ARHGAP6: variants seen among roughly 807,000 people sequenced by gnomAD.
ARHGAP6 encodes Rho GTPase activating protein 6.
ARHGAP6 carries 16 observed loss-of-function variants against 55.7 expected under a neutral mutation model. The ratio of observed to expected loss-of-function variants is 0.29; its 90% CI spans 0.19 to 0.44. The LOEUF (loss-of-function observed/expected upper bound fraction) is 0.44. Ranked by LOEUF, ARHGAP6 falls within the 20% of genes least tolerant of loss-of-function variation. The pLI is 1.00. For missense variants in ARHGAP6, 698 were observed against 808.9 expected (o/e 0.86, Z 1.66); for synonymous variants, 382 against 360.9 (o/e 1.06, Z -0.66).
chrX:11,494,383 G>A (rs1453391745), intron 1 of ARHGAP6, among the ~76,000 whole-genome samples: 1 of 112,516 alleles, frequency 8.9e-6, no homozygotes, highest in Non-Finnish European at 1.9e-5. Context: ...AAAACTTGTG[G>A]TCAACACAAC....
chrX:11,459,244 T>C (rs1362096443), intron 1 of ARHGAP6, among the ~76,000 whole-genome samples: 2 of 111,945 alleles, frequency 1.8e-5, no homozygotes, highest in African/African-American at 6.5e-5. Flanking sequence ...ATCAACTACA[T>C]CGATTCTCAT....
chrX:11,338,158 C>T (rs867988348), intron 1 of ARHGAP6, among the ~76,000 whole-genome samples: 2 of 111,202 alleles, frequency 1.8e-5, no homozygotes, highest in South Asian at 7.8e-4. Flanking sequence ...CCATGCTGAC[C>T]GTCAAATGTC....
chrX:11,455,874 G>C lies in ARHGAP6; in HGVS notation c.589-201167C>G, dbSNP rs2050189854. On this transcript the variant is annotated intron_variant, in intron 1 of 12. Coordinates refer to ENST00000337414, the MANE Select transcript of ARHGAP6 (RefSeq NM_013427.3). Reference sequence around the variant, plus strand: ...TAATGGAGATGATAATACTTGCTCTGGGAAAATCAGATGGCATAATGTATG... The same window carrying C: ...TAATGGAGATGATAATACTTGCTCTCGGAAAATCAGATGGCATAATGTATG... 2.7e-5 allele frequency among the ~76,000 whole-genome samples: 3 copies of C among 111,909 alleles called. No individual in the cohort carries two copies. In the Admixed American group the frequency reaches 2.9e-4, roughly 11 times the overall value.
chrX:11,401,564 G>A (rs1038682150), intron 1 of ARHGAP6, among the ~76,000 whole-genome samples: 2 of 109,828 alleles, frequency 1.8e-5, no homozygotes, highest in African/African-American at 6.6e-5. Context: ...ACACAAAAAT[G>A]TCTCCAGACA....
intron 1 of ARHGAP6, among the ~76,000 whole-genome samples, chrX:11,325,333 A>G (rs954261854): frequency 8.9e-6 from 1 of 112,515 alleles, no homozygotes; most frequent in South Asian, 3.7e-4. Context: ...AAATTTACCA[A>G]GAAATGTGGG....
chrX:11,366,171 G>A (rs780179882), intron 1 of ARHGAP6, among the ~76,000 whole-genome samples: 9 of 112,038 alleles, frequency 8.0e-5, no homozygotes, highest in African/African-American at 2.9e-4. Flanking sequence ...TTGGTGGGAC[G>A]CAAACATTCA....
At position 11,387,884 on chromosome X, in the gene ARHGAP6, C is replaced by A. The variant is rs748078306; in HGVS notation, c.589-133177G>T. 3.6e-5 allele frequency among the ~76,000 whole-genome samples: 4 copies of A among 111,864 alleles called. No homozygotes were observed. In the East Asian group the frequency reaches 1.1e-3, roughly 31 times the overall value. ...CATGTCCCTACAAAGGACATGAACT[C>A]ATTGTTTTTTATGGCTGCATAGTAT... On this transcript the variant is annotated intron_variant, in intron 1 of 12. Transcript: ENST00000337414.
At chrX:11,233,306 T>C (rs2047158342) in intron 2 of ARHGAP6, among the ~76,000 whole-genome samples, 1 of 112,279 alleles carries the variant, frequency 8.9e-6, no homozygotes, top group South Asian at 3.7e-4. Context: ...GCCATTTGCC[T>C]ACTTGCCTCA....
chrX:11,299,548 A>C (rs1407893307), intron 1 of ARHGAP6, among the ~76,000 whole-genome samples: 1 of 112,353 alleles, frequency 8.9e-6, no homozygotes, highest in African/African-American at 3.2e-5. Flanking sequence ...GGTTCTATAG[A>C]TGATTAAGCT....
chrX:11,472,529 C>T (rs1420662529), intron 1 of ARHGAP6, among the ~76,000 whole-genome samples: 1 of 110,977 alleles, frequency 9.0e-6, no homozygotes, highest in Non-Finnish European at 1.9e-5. Flanking sequence ...TGGTAAGGAG[C>T]TTGGTGTGTT....
intron 6 of ARHGAP6, 115 bp downstream of exon 6, chrX:11,181,948 G>T: frequency 1.9e-6 from 1 of 536,881 alleles, no homozygotes; most frequent in Non-Finnish European, 3.0e-6. Context: ...TAGCTTGGAG[G>T]GTAAAAAAAA....
At chrX:11,549,763 C>G (rs1325145924) in intron 1 of ARHGAP6, among the ~76,000 whole-genome samples, 1 of 112,597 alleles carries the variant, frequency 8.9e-6, no homozygotes, top group Non-Finnish European at 1.9e-5. Flanking sequence ...AAATTACTTA[C>G]TGCCATTTTA....
At chrX:11,201,465 G>T (rs1244756080) in intron 2 of ARHGAP6, among the ~76,000 whole-genome samples, 2 of 111,992 alleles carry the variant, frequency 1.8e-5, no homozygotes, top group Admixed American at 1.9e-4. Context: ...TAAGTAACTT[G>T]TACATGGGCA....
At chrX:11,351,635 G>T (rs1603114607) in intron 1 of ARHGAP6, 11 of 731,286 alleles carry the variant, frequency 1.5e-5, no homozygotes, top group African/African-American at 1.2e-4. Context: ...TACAAAGAGT[G>T]CCTTGGTTCC....
intron 1 of ARHGAP6, among the ~76,000 whole-genome samples, chrX:11,340,741 G>A (rs754543772): frequency 3.3e-4 from 36 of 109,298 alleles, no homozygotes; most frequent in African/African-American, 1.1e-3. Flanking sequence ...AAAAAAAAAA[G>A]ATTTCGCCTT....
intron 1 of ARHGAP6, among the ~76,000 whole-genome samples, chrX:11,488,986 T>C (rs1164671915): frequency 8.9e-6 from 1 of 112,055 alleles, no homozygotes; most frequent in Non-Finnish European, 1.9e-5. Context: ...TTGTGTGCAA[T>C]GATTTTATAA....
At position 11,664,782 on chromosome X, in the gene ARHGAP6, G is replaced by T; in HGVS notation, c.47C>A (p.Pro16His). The T allele has an allele frequency of 8.3e-7, 1 of 1,203,508 alleles. No individual in the cohort carries two copies. The part of the protein sequence containing the change: ...LLHSVFSCSS[P>H]ASSSAASAKG... ...GGCCGAGGCCGCGCTACTTGAAGCGGGCGAGGAACAGGAGAAGACGCTGTG... is the reference window on the plus strand; with the variant it reads ...GGCCGAGGCCGCGCTACTTGAAGCGTGCGAGGAACAGGAGAAGACGCTGTG... The change falls in exon 1 of 13, where the codon CCC becomes CAC. Residue 16 changes from proline to histidine, a missense_variant. Physicochemically the swap from Pro to His is moderately conservative, Grantham distance 77 (BLOSUM62 -2). This residue lies in a region of ARHGAP6 where 164 missense variants were observed against 149.2 expected (regional missense o/e 1.10). Coordinates refer to ENST00000337414, the MANE Select transcript of ARHGAP6 (RefSeq NM_013427.3).
At chrX:11,398,282 A>AAC (rs1556007667) in intron 1 of ARHGAP6, among the ~76,000 whole-genome samples, 1 of 109,918 alleles carries the variant, frequency 9.1e-6, no homozygotes, top group Non-Finnish European at 1.9e-5. Flanking sequence ...AAAAAAAAAA[A>AAC]AGAAACCGTG....
At chrX:11,560,018 C>A (rs2051368618) in intron 1 of ARHGAP6, among the ~76,000 whole-genome samples, 1 of 109,696 alleles carries the variant, frequency 9.1e-6, no homozygotes, top group Admixed American at 9.7e-5. Context: ...CATGCCTGTT[C>A]TTTAAAAGCT....
Sources: allele counts gnomAD v4.1 joint callset (sites outside exome capture counted in the v4.1 genomes callset), GRCh38; gene constraint gnomAD v4.1.1; regional missense constraint gnomAD v4.1.1; transcripts MANE v1.5; gene names NCBI Gene and HGNC (gene_info 2026-07-23, HGNC 2026-07-21).